CENATAC: variants seen among roughly 807,000 people sequenced by gnomAD.
CENATAC encodes coiled-coil domain containing 84.
In CENATAC, 53 loss-of-function variants were observed where a neutral mutation model predicts 53.7. That is an observed-to-expected ratio of 0.99 (90% CI 0.79 to 1.24). The LOEUF is 1.24. Ranked by LOEUF, CENATAC falls within the 50% of genes most tolerant of loss-of-function variation. The pLI, the probability that CENATAC is intolerant of heterozygous loss-of-function variation, is 0.00. For synonymous variants in CENATAC, 156 were observed against 144.6 expected (o/e 1.08, Z -0.57); for missense variants, 474 against 417.8 (o/e 1.13, Z -1.17).
In CENATAC at chr11:119,010,799, A is replaced by G. The variant is rs189873299; in HGVS notation, c.419A>G (p.Tyr140Cys). 1.0e-4 allele frequency: 165 copies of G among 1,614,146 alleles called. No homozygotes were observed. The Admixed American group carries it at 2.7e-3, about 26-fold the overall frequency. Residue 140 changes from tyrosine (Y) to cysteine (C), a missense_variant, in exon 4 of 11, where the codon TAT (tyrosine) becomes TGT (cysteine). Physicochemically the swap from Tyr to Cys is radical, Grantham distance 194. Transcript: ENST00000334418. ...KKSMVKGLDS[Y>C]EEKEDKVIKE... The stretch of plus-strand genomic sequence containing the variant: ...TCCATGGTGAAAGGTTTGGATTCCT[A>G]TGAAGAAAAGGAGGATAAAGTGATC...
chr11:119,015,233 C>T (rs1226531614), intron 9 of CENATAC, 74 bp from the exon 10 acceptor site: 3 of 1,509,212 alleles, frequency 2.0e-6, no homozygotes, highest in Non-Finnish European at 2.7e-6. Context: ...TGAAAACAGC[C>T]TGGACAACAT....
In CENATAC at chr11:118,999,000, T is replaced by TC; in HGVS notation, c.285-9dup. The TC allele has an allele frequency of 6.3e-7, 1 of 1,595,532 alleles. No individual in the cohort carries two copies. Among genetic ancestry groups the TC allele is most frequent in the Non-Finnish European group, 8.6e-7 (1 of 1,163,194 alleles). On this transcript the variant is annotated splice_polypyrimidine_tract_variant and intron_variant, in intron 2 of 10. Transcript: ENST00000334418. The stretch of plus-strand genomic sequence containing the variant: ...TCTATAGCTGAGATTACTTATCCTC[T>TC]CCATTTTCAGCCCAGAGCACAAGAA...
chr11:119,000,093 T>C (rs988377084), intron 3 of CENATAC, among the ~76,000 whole-genome samples: 1 of 152,188 alleles, frequency 6.6e-6, no homozygotes, highest in African/African-American at 2.4e-5. Context: ...ATTTTCTTAA[T>C]GGTATCTGGG....
At chr11:119,013,170 ATTT>A in intron 7 of CENATAC, 59 bp from the exon 8 acceptor site, 2 of 1,062,080 alleles carry the variant, frequency 1.9e-6, no homozygotes, top group Non-Finnish European at 2.7e-6. Flanking sequence ...CGTTTCTAGG[ATTT>A]TTTTTTTTAA....
At chr11:119,006,075 A>AAT (rs1942577292) in intron 3 of CENATAC, 2 of 58,490 alleles carry the variant, frequency 3.4e-5, no homozygotes, top group African/African-American at 1.5e-4. Flanking sequence ...AGTAGGCAGG[A>AAT]TTTTTTTTTT....
chr11:119,015,174 C>T (rs947087557), intron 9 of CENATAC, 91 bp downstream of exon 9: 4 of 1,458,894 alleles, frequency 2.7e-6, no homozygotes, highest in Admixed American at 1.9e-5. Flanking sequence ...GGCTATAATC[C>T]TAGCATTTTG....
At chr11:119,011,016 T>C (rs970638477) in intron 4 of CENATAC, among the ~76,000 whole-genome samples, 186 bp downstream of exon 4, 1 of 152,162 alleles carries the variant, frequency 6.6e-6, no homozygotes, top group African/African-American at 2.4e-5. Flanking sequence ...CAGTTCACAA[T>C]AGTGTTTGTG....
Position 119,015,745 on chromosome 11 carries a change from A to C in CENATAC, c.*147A>C. ...AATAAAGTTTTATTTTTCCAAATGT[A>C]CAGCTGGTTGGACCTGTAAAAAAAA... On this transcript the variant is annotated 3_prime_UTR_variant, in exon 11 of 11. Transcript: ENST00000334418. 1 of 1,259,778 alleles carries C rather than the reference A, an allele frequency of 7.9e-7. No homozygotes were observed. The highest frequency in any genetic ancestry group is 1.1e-6 in the Non-Finnish European group (1 of 875,406). The allele number at this position is 1,259,778 out of a possible 1,614,324, so 78.0% of individuals were successfully genotyped here. A position where few individuals can be genotyped will look rare whatever the true frequency, so the allele number is the denominator to read the frequency against.
At chr11:119,011,095 T>G in intron 4 of CENATAC, 126 bp from the exon 5 acceptor site, 1 of 771,298 alleles carries the variant, frequency 1.3e-6, no homozygotes, top group South Asian at 1.8e-5. Flanking sequence ...TGCAGCCTGC[T>G]TCCTGACAGG....
chr11:119,011,862 G>T, intron 5 of CENATAC, 77 bp from the exon 6 acceptor site: 1 of 1,251,834 alleles, frequency 8.0e-7, no homozygotes, highest in African/African-American at 1.5e-5. Context: ...TGATACTGGG[G>T]TCTGGAGGGT....
chr11:119,011,386 T>C, intron 5 of CENATAC, 103 bp downstream of exon 5: 1 of 1,134,668 alleles, frequency 8.8e-7, no homozygotes, highest in Non-Finnish European at 1.3e-6. Context: ...TCTTCTTTTT[T>C]TTTTGGAGAC....
At position 119,015,687 on chromosome 11, in the gene CENATAC, C is replaced by T; in HGVS notation, c.*89C>T. On this transcript the variant is annotated 3_prime_UTR_variant, in exon 11 of 11. Coordinates refer to ENST00000334418, the MANE Select transcript of CENATAC (RefSeq NM_198489.3). ...CACCAAATTCTTTATCATTGTCTTT[C>T]TTAGGAAACAGACATACTCATTCAT... The T allele has an allele frequency of 2.1e-6, 3 of 1,416,328 alleles. No homozygotes were observed. The highest frequency in any genetic ancestry group is 3.0e-6 in the Non-Finnish European group (3 of 1,008,644). 87.7% of individuals were successfully genotyped at this position (1,416,328 alleles called of 1,614,324 possible).
Position 119,015,302 on chromosome 11 carries a change from T to C in CENATAC, c.806-5T>C, listed in dbSNP as rs2134583654. 1 of 1,609,066 alleles carries C rather than the reference T, an allele frequency of 6.2e-7. No homozygotes were observed. The highest frequency in any genetic ancestry group is 1.1e-5 in the South Asian group (1 of 90,306). ...AAAAATAAAAGTTTCCCTATCATTG[T>C]ACAGAGGAAAAACAGAAGTTGAAAA... On this transcript the variant is annotated splice_region_variant and splice_polypyrimidine_tract_variant and intron_variant, in intron 9 of 10. Transcript: ENST00000334418.
chr11:119,010,693 T>G, intron 3 of CENATAC, 71 bp from the exon 4 acceptor site: 1 of 1,316,888 alleles, frequency 7.6e-7, no homozygotes, highest in Non-Finnish European at 1.1e-6. Flanking sequence ...TAAAAAAATA[T>G]CTACTGAGGA....
At chr11:119,012,072 G>C in intron 6 of CENATAC, 69 bp downstream of exon 6, 2 of 1,613,824 alleles carry the variant, frequency 1.2e-6, no homozygotes, top group Non-Finnish European at 1.7e-6. Flanking sequence ...TTTTGCCTGG[G>C]AAATGGAAAC....
intron 3 of CENATAC, chr11:119,003,625 T>C: frequency 5.1e-6 from 1 of 196,096 alleles, no homozygotes; most frequent in East Asian, 1.6e-4. Flanking sequence ...CTCTCTCTTT[T>C]TTTTTTTTTT....
At chr11:119,011,739 G>A (rs1942881090) in intron 5 of CENATAC, among the ~76,000 whole-genome samples, 200 bp from the exon 6 acceptor site, 2 of 151,784 alleles carry the variant, frequency 1.3e-5, no homozygotes, top group Admixed American at 6.6e-5. Context: ...CCTTACCTGT[G>A]TGCCAGGGGG....
At chr11:118,999,498 G>A (rs190568264) in intron 3 of CENATAC, among the ~76,000 whole-genome samples, 8 of 152,004 alleles carry the variant, frequency 5.3e-5, no homozygotes, top group East Asian at 1.9e-4. Context: ...TGCTCTTTTC[G>A]CCCAGGCTGG....
chr11:118,999,960 A>G (rs1286278796), intron 3 of CENATAC, among the ~76,000 whole-genome samples: 1 of 152,132 alleles, frequency 6.6e-6, no homozygotes, highest in Non-Finnish European at 1.5e-5. Flanking sequence ...TATTTTTAGT[A>G]GAGATGGGAT....
Sources: allele counts gnomAD v4.1 joint callset (sites outside exome capture counted in the v4.1 genomes callset), GRCh38; gene constraint gnomAD v4.1.1; transcripts MANE v1.5; gene names NCBI Gene and HGNC (gene_info 2026-07-23, HGNC 2026-07-21).